Variants in PCDHGA2 observed in about 807,000 individuals in gnomAD.
The protein encoded by PCDHGA2 is protocadherin gamma-A2.
In PCDHGA2, 40 loss-of-function variants were observed where a neutral mutation model predicts 59.2. The ratio of observed to expected loss-of-function variants is 0.68; its 90% CI spans 0.52 to 0.88. The LOEUF is 0.88. PCDHGA2 is among the 40% of genes least tolerant of loss of function. The pLI is 0.00. For synonymous variants in PCDHGA2, 560 were observed against 526.0 expected (o/e 1.06, Z -0.89); for missense variants, 1,226 against 1,204.0 (o/e 1.02, Z -0.27).
In PCDHGA2 at chr5:141,476,533, A is replaced by G; in HGVS notation, c.2425-18274A>G. 6.2e-7 allele frequency: 1 copy of G among 1,614,184 alleles called. No individual in the cohort carries two copies. Among genetic ancestry groups the G allele is most frequent in the Non-Finnish European group, 8.5e-7 (1 of 1,180,022 alleles). On this transcript the variant is annotated intron_variant, in intron 1 of 3. Transcript: ENST00000394576. The surrounding 1 kb of genome is among the most constrained non-coding windows in gnomAD (Gnocchi z 7.6). ...ACAATCCTGCTTTCCCTACCCAGGA[A>G]ATGAAATTGGAGATTAGCGAGGCCG...
chr5:141,385,604 CAT>C, intron 1 of PCDHGA2: 1 of 1,188,174 alleles, frequency 8.4e-7, no homozygotes, highest in Non-Finnish European at 1.1e-6. Flanking sequence ...TTTCTTAACT[CAT>C]ATATTTTATA....
intron 1 of PCDHGA2, among the ~76,000 whole-genome samples, chr5:141,458,829 C>T (rs2098954599): frequency 6.6e-6 from 1 of 152,108 alleles, no homozygotes; most frequent in Non-Finnish European, 1.5e-5. Context: ...GCCTCCCAGG[C>T]TCAAGTGATC....
At chr5:141,355,141 G>A in intron 1 of PCDHGA2, 1 of 1,526,010 alleles carries the variant, frequency 6.6e-7, no homozygotes, top group South Asian at 1.3e-5. Context: ...AGATCCTGGG[G>A]CTCCTCAGGC....
chr5:141,374,039 G>A, intron 1 of PCDHGA2: 1 of 1,456,944 alleles, frequency 6.9e-7, no homozygotes, highest in Non-Finnish European at 9.1e-7. Flanking sequence ...ATGCAGATCT[G>A]TTCTTCCTCT....
rs1490049668 is a variant in PCDHGA2 at position 141,344,911 on chromosome 5, A to T, written c.2424+3516A>T. 3 of 1,613,804 alleles carry T rather than the reference A, an allele frequency of 1.9e-6. No individual in the cohort carries two copies. In the Admixed American group the frequency reaches 5.0e-5, roughly 27 times the overall value. The stretch of plus-strand genomic sequence containing the variant: ...CCTGGGAAAATCGCTGAGATTTTCC[A>T]TCTTAACTCAGTGAGTGGAGAAGTA... On this transcript the variant is annotated intron_variant, in intron 1 of 3. Coordinates refer to ENST00000394576, the MANE Select transcript of PCDHGA2 (RefSeq NM_018915.4).
At chr5:141,415,754 T>C in intron 1 of PCDHGA2, 3 of 1,385,738 alleles carry the variant, frequency 2.2e-6, no homozygotes, top group South Asian at 1.7e-5. Context: ...TTTTTTTTTT[T>C]TTTTTTTTTT....
chr5:141,393,905 A>G, intron 1 of PCDHGA2: 1 of 1,614,030 alleles, frequency 6.2e-7, no homozygotes, highest in Non-Finnish European at 8.5e-7. Flanking sequence ...TTCCCGGGAC[A>G]GTAATTGCCT....
chr5:141,362,447 C>G (rs769703158), intron 1 of PCDHGA2: 1 of 1,614,048 alleles, frequency 6.2e-7, no homozygotes, highest in Non-Finnish European at 8.5e-7. Flanking sequence ...CTGAACATAA[C>G]CCCGGAATTG....
chr5:141,452,148 T>C (rs1294195346), intron 1 of PCDHGA2, among the ~76,000 whole-genome samples: 1 of 152,228 alleles, frequency 6.6e-6, no homozygotes, highest in Non-Finnish European at 1.5e-5. Flanking sequence ...TTTTTTCCAA[T>C]GAGTTATATT....
chr5:141,445,224 G>A (rs1016307216), intron 1 of PCDHGA2, among the ~76,000 whole-genome samples: 6 of 152,194 alleles, frequency 3.9e-5, no homozygotes, highest in Admixed American at 2.0e-4. Context: ...GAGGTGCAAA[G>A]TGCTCTATTC....
In PCDHGA2 at chr5:141,347,012, C is replaced by CCTCTCTCTTTCCTCCTTCCTTCCTTCCT. The variant is rs1554073351; in HGVS notation, c.2424+5646_2424+5673dup. On this transcript the variant is annotated intron_variant, in intron 1 of 3. Transcript: ENST00000394576. ...TTTTTTTCTTTCTCCTTCCTTCCTTCCTCTCTCTTTCCTCCTTCCTTCCTT... is the reference window on the plus strand; with the variant it reads ...TTTTTTTCTTTCTCCTTCCTTCCTTCCTCTCTCTTTCCTCCTTCCTTCCTTCCTCTCTCTCTTTCCTCCTTCCTTCCTT... Among the ~76,000 whole-genome samples, 282 of 150,860 alleles carry CCTCTCTCTTTCCTCCTTCCTTCCTTCCT rather than the reference C, an allele frequency of 1.9e-3. 2 individuals carry two copies. Among genetic ancestry groups the CCTCTCTCTTTCCTCCTTCCTTCCTTCCT allele is most frequent in the Admixed American group, 5.1e-3 (77 of 15,066 alleles).
In PCDHGA2 at chr5:141,339,743, GGCAC is replaced by G; in HGVS notation, c.773_776del (p.Gly258AlafsTer6). On this transcript the variant is annotated frameshift_variant, in exon 1 of 4. Transcript: ENST00000394576. LOFTEE classifies it high-confidence loss of function. Reference sequence around the variant, plus strand: ...AAGCATTCCGGAGAATACGCTCGTGGGCACCCGGATACTCACGGTGACCGCCACT... The same window carrying G: ...AAGCATTCCGGAGAATACGCTCGTGGCCGGATACTCACGGTGACCGCCACT... The G allele has an allele frequency of 6.2e-7, 1 of 1,614,080 alleles. No homozygotes were observed. The highest frequency in any genetic ancestry group is 8.5e-7 in the Non-Finnish European group (1 of 1,179,990).
chr5:141,405,203 C>T, intron 1 of PCDHGA2: 2 of 1,613,520 alleles, frequency 1.2e-6, no homozygotes, highest in Non-Finnish European at 1.7e-6. Context: ...AGCTTTCCTA[C>T]AGACCTATTC....
At chr5:141,365,935 C>G in intron 1 of PCDHGA2, 2 of 1,614,224 alleles carry the variant, frequency 1.2e-6, no homozygotes, top group Non-Finnish European at 1.7e-6. Context: ...TGACAGCCAG[C>G]GACAGTGGGA....
At chr5:141,412,935 G>T in intron 1 of PCDHGA2, 1 of 453,864 alleles carries the variant, frequency 2.2e-6, no homozygotes, top group East Asian at 3.4e-5. Flanking sequence ...AACTTCTTAG[G>T]ACTCTGAGCG....
At chr5:141,435,215 C>G (rs4912753) in intron 1 of PCDHGA2, among the ~76,000 whole-genome samples, 81,908 of 151,924 alleles carry the variant, frequency 0.54, 24,122 homozygotes, top group African/African-American at 0.79. Flanking sequence ...AGTGAATTTA[C>G]TTTCTTTCAA....
intron 2 of PCDHGA2, among the ~76,000 whole-genome samples, chr5:141,502,194 T>C (rs1470985683): frequency 2.6e-5 from 4 of 152,212 alleles, no homozygotes; most frequent in Non-Finnish European, 4.4e-5. Flanking sequence ...TACAATAATA[T>C]AGAATCCACC....
chr5:141,381,991 G>A (rs1019937357), intron 1 of PCDHGA2, among the ~76,000 whole-genome samples: 3 of 151,726 alleles, frequency 2.0e-5, no homozygotes, highest in East Asian at 3.9e-4. Context: ...CACCACGCCC[G>A]GATAATTTTG....
intron 1 of PCDHGA2, among the ~76,000 whole-genome samples, chr5:141,347,284 G>A (rs573152867): frequency 6.6e-6 from 1 of 151,940 alleles, no homozygotes; most frequent in Admixed American, 6.6e-5. Flanking sequence ...CTCCCGAGTA[G>A]CTGGGACTAC....
Sources: allele counts gnomAD v4.1 joint callset (sites outside exome capture counted in the v4.1 genomes callset), GRCh38; gene constraint gnomAD v4.1.1; non-coding constraint Gnocchi (gnomAD v3.1); transcripts MANE v1.5; gene names NCBI Gene and HGNC (gene_info 2026-07-23, HGNC 2026-07-21).